The following SHISA9 variants were observed in gnomAD, a reference collection of about 807,000 sequenced individuals.
The protein encoded by SHISA9 is protein shisa-9.
A neutral mutation model predicts 38.0 loss-of-function variants in SHISA9; 13 were observed. The ratio of observed to expected loss-of-function variants is 0.34; its 90% CI spans 0.22 to 0.54. The LOEUF is 0.54. SHISA9 is among the 20% of genes least tolerant of loss of function. The pLI, the probability that SHISA9 is intolerant of heterozygous loss-of-function variation, is 0.91. For missense variants in SHISA9, 538 were observed against 575.8 expected (o/e 0.93, Z 0.67); for synonymous variants, 275 against 242.0 (o/e 1.14, Z -1.27).
the SHISA9 span, among the ~76,000 whole-genome samples, chr16:13,472,354 A>G: frequency 8.4e-6 from 1 of 118,460 alleles, no homozygotes; most frequent in African/African-American, 3.2e-5. Context: ...CCCTTCATTT[A>G]GAGCTTATTA....
the SHISA9 span, among the ~76,000 whole-genome samples, chr16:13,301,707 G>T: frequency 6.6e-6 from 1 of 152,296 alleles, no homozygotes; most frequent in East Asian, 1.9e-4. Flanking sequence ...AGGTATGTGG[G>T]TGTAATGATT....
At chr16:13,074,104 G>C (rs1365224475) in intron 2 of SHISA9, among the ~76,000 whole-genome samples, 1 of 151,996 alleles carries the variant, frequency 6.6e-6, no homozygotes, top group African/African-American at 2.4e-5. Flanking sequence ...CGAGTAGCTG[G>C]AATTACAGGC....
chr16:13,203,704 G>T, intron 3 of SHISA9, among the ~76,000 whole-genome samples, 155 bp downstream of exon 3: 3 of 149,018 alleles, frequency 2.0e-5, no homozygotes, highest in Non-Finnish European at 3.0e-5. Flanking sequence ...TCTCATTTTT[G>T]TTCTCTCTCT....
chr16:13,328,922 C>T, the SHISA9 span, among the ~76,000 whole-genome samples: 3 of 152,044 alleles, frequency 2.0e-5, no homozygotes, highest in African/African-American at 4.8e-5. Context: ...TTTTCCCTAA[C>T]AAGGAGCACC....
At chr16:13,486,105 G>A in the SHISA9 span, among the ~76,000 whole-genome samples, 6 of 152,280 alleles carry the variant, frequency 3.9e-5, no homozygotes, top group East Asian at 3.9e-4. Flanking sequence ...ATTCCTGCAC[G>A]GAGTTGATTC....
chr16:13,252,665 G>C, the SHISA9 span, among the ~76,000 whole-genome samples: 1 of 152,128 alleles, frequency 6.6e-6, no homozygotes, highest in African/African-American at 2.4e-5. Context: ...TTTTCTTATT[G>C]CATTCAGCCA....
At chr16:13,208,861 TAGTA>T (rs2051092631) in intron 3 of SHISA9, among the ~76,000 whole-genome samples, 1 of 152,054 alleles carries the variant, frequency 6.6e-6, no homozygotes, top group Non-Finnish European at 1.5e-5. Flanking sequence ...GTGGGGTGCT[TAGTA>T]AGGACTCCCA....
intron 2 of SHISA9, among the ~76,000 whole-genome samples, chr16:12,970,427 GTA>G (rs1491361765): frequency 0.016 from 509 of 31,210 alleles, 29 homozygotes; most frequent in Middle Eastern, 0.077. Context: ...ACACATATAT[GTA>G]TATATATATA....
intron 2 of SHISA9, among the ~76,000 whole-genome samples, chr16:12,967,129 A>G: frequency 6.6e-6 from 1 of 152,336 alleles, no homozygotes; most frequent in Non-Finnish European, 1.5e-5. Flanking sequence ...TTGCCGCACT[A>G]TTCACAATAG....
At chr16:13,266,232 T>C in the SHISA9 span, among the ~76,000 whole-genome samples, 1 of 152,236 alleles carries the variant, frequency 6.6e-6, no homozygotes, top group Admixed American at 6.5e-5. Flanking sequence ...AATGGTTAGC[T>C]GTTTCTTCCA....
chr16:13,311,403 A>G, the SHISA9 span, among the ~76,000 whole-genome samples: 18 of 152,256 alleles, frequency 1.2e-4, no homozygotes, highest in East Asian at 2.7e-3. Flanking sequence ...TGAGAATTCA[A>G]TATTTTTTTC....
intron 2 of SHISA9, among the ~76,000 whole-genome samples, chr16:13,079,021 AC>A: frequency 6.6e-6 from 1 of 152,308 alleles, no homozygotes; most frequent in Middle Eastern, 3.4e-3. Context: ...TTGCTAAGTG[AC>A]CCTGTGTGAG....
intron 2 of SHISA9, among the ~76,000 whole-genome samples, chr16:13,100,099 T>G (rs2073864586): frequency 2.0e-5 from 3 of 152,310 alleles, no homozygotes; most frequent in African/African-American, 4.8e-5. Flanking sequence ...GGCTGTTATG[T>G]AGGAATGTCA....
the SHISA9 span, among the ~76,000 whole-genome samples, chr16:13,383,888 C>G: frequency 6.6e-6 from 1 of 152,114 alleles, no homozygotes; most frequent in African/African-American, 2.4e-5. Flanking sequence ...CTCCTGAGCT[C>G]AAGTTATCCA....
At chr16:13,519,332 T>G in the SHISA9 span, among the ~76,000 whole-genome samples, 1 of 152,214 alleles carries the variant, frequency 6.6e-6, no homozygotes, top group Non-Finnish European at 1.5e-5. Context: ...AGCATTGTTA[T>G]GGGTAATTCC....
chr16:13,309,188 CA>C, the SHISA9 span, among the ~76,000 whole-genome samples: 1 of 151,802 alleles, frequency 6.6e-6, no homozygotes, highest in African/African-American at 2.4e-5. Flanking sequence ...GCTGGGGGGC[CA>C]GGGGGTAATG....
chr16:12,970,531 G>T (rs1447263594), intron 2 of SHISA9, among the ~76,000 whole-genome samples: 2 of 50,520 alleles, frequency 4.0e-5, no homozygotes, highest in Admixed American at 3.3e-4. Context: ...TTTTTTTTGA[G>T]ACCAAGTCTC....
chr16:12,915,145 TG>T (rs755394313), intron 1 of SHISA9, among the ~76,000 whole-genome samples: 3 of 152,122 alleles, frequency 2.0e-5, no homozygotes, highest in Non-Finnish European at 4.4e-5. Flanking sequence ...AACTTCTCTG[TG>T]GTACAGAGGA....
At chr16:12,965,360 ACCT>A (rs1382584126) in intron 2 of SHISA9, among the ~76,000 whole-genome samples, 1 of 151,944 alleles carries the variant, frequency 6.6e-6, no homozygotes, top group African/African-American at 2.4e-5. Context: ...GAGCACTTTC[ACCT>A]CCTCAGAAAG....
Sources: allele counts gnomAD v4.1 joint callset (sites outside exome capture counted in the v4.1 genomes callset), GRCh38; gene constraint gnomAD v4.1.1; transcripts MANE v1.5; gene names NCBI Gene and HGNC (gene_info 2026-07-23, HGNC 2026-07-21).